VDAC1: variants seen among roughly 807,000 people sequenced by gnomAD.
VDAC1 encodes voltage dependent anion channel 1, also known as non-selective voltage-gated ion channel VDAC1.
In VDAC1, 10 loss-of-function variants were observed where a neutral mutation model predicts 34.7. The observed-to-expected ratio is 0.29, with a 90% CI of 0.18 to 0.49. The LOEUF is 0.49. Ranked by LOEUF, VDAC1 falls within the 20% of genes least tolerant of loss-of-function variation. VDAC1 has a pLI of 0.99. For synonymous variants in VDAC1, 130 were observed against 136.0 expected, an observed-to-expected ratio of 0.96 and a Z score of 0.30; for missense variants, 230 against 347.9, an observed-to-expected ratio of 0.66 and a Z score of 2.69.
At chr5:134,033,392 G>A in the VDAC1 span, among the ~76,000 whole-genome samples, 1 of 151,428 alleles carries the variant, frequency 6.6e-6, no homozygotes, top group Non-Finnish European at 1.5e-5. Context: ...TCCTAACCTC[G>A]TGATCCGCCC....
chr5:134,109,770 CAA>C, the VDAC1 span, among the ~76,000 whole-genome samples: 28 of 140,308 alleles, frequency 2.0e-4, no homozygotes, highest in South Asian at 1.4e-3. Context: ...GGCTCCATCT[CAA>C]AAAAAAAAAA....
At chr5:134,081,039 C>CTTT in the VDAC1 span, among the ~76,000 whole-genome samples, 1 of 140,820 alleles carries the variant, frequency 7.1e-6, no homozygotes, top group Non-Finnish European at 1.6e-5. Context: ...CTATGCCTAA[C>CTTT]TTTTTTTTTT....
rs534649167 is a variant in VDAC1 at position 134,000,859 on chromosome 5, G to A, written c.-7+4036C>T. On this transcript the variant is annotated intron_variant, in intron 1 of 8. Coordinates refer to ENST00000265333, the MANE Select transcript of VDAC1 (RefSeq NM_003374.3). Reference sequence around the variant, plus strand: ...TATTATAATAATGGCTGCTAAGCATGTTCAAAAGGTCACCCTGAACCACAG... The same window carrying A: ...TATTATAATAATGGCTGCTAAGCATATTCAAAAGGTCACCCTGAACCACAG... Among the ~76,000 whole-genome samples the A allele has an allele frequency of 2.4e-4, 37 of 152,260 alleles. No individual in the cohort carries two copies. In the South Asian group the frequency reaches 7.5e-3, roughly 31 times the overall value.
At chr5:134,036,658 T>A in the VDAC1 span, among the ~76,000 whole-genome samples, 58,037 of 124,318 alleles carry the variant, frequency 0.47, 12,907 homozygotes, top group African/African-American at 0.66. Flanking sequence ...ACTGTCTTTT[T>A]TAAAAAAAAA....
the VDAC1 span, among the ~76,000 whole-genome samples, chr5:134,031,549 G>A: frequency 1.7e-4 from 26 of 152,270 alleles, no homozygotes; most frequent in African/African-American, 5.3e-4. Flanking sequence ...ACTCTGGGCC[G>A]GGTACAGTGG....
At chr5:134,062,696 G>A in the VDAC1 span, among the ~76,000 whole-genome samples, 1 of 151,382 alleles carries the variant, frequency 6.6e-6, no homozygotes, top group Non-Finnish European at 1.5e-5. Flanking sequence ...GCGCAATCTC[G>A]GCTCACTGCA....
the VDAC1 span, among the ~76,000 whole-genome samples, chr5:134,024,521 C>G: frequency 6.8e-6 from 1 of 147,834 alleles, no homozygotes; most frequent in African/African-American, 2.5e-5. Context: ...AGAGTGAGAC[C>G]CTGTCTCAAA....
chr5:134,044,254 G>T, the VDAC1 span, among the ~76,000 whole-genome samples: 1 of 152,184 alleles, frequency 6.6e-6, no homozygotes, highest in African/African-American at 2.4e-5. Context: ...TTCCCTTGCT[G>T]GGGGCCAACT....
the VDAC1 span, among the ~76,000 whole-genome samples, chr5:134,097,036 G>A: frequency 6.6e-6 from 1 of 152,206 alleles, no homozygotes; most frequent in Non-Finnish European, 1.5e-5. Context: ...CCCTACCAGC[G>A]TCTCCAGTGT....
chr5:134,032,773 T>C, the VDAC1 span, among the ~76,000 whole-genome samples: 1 of 152,214 alleles, frequency 6.6e-6, no homozygotes. Context: ...GGATCACACC[T>C]GTAATCTCAA....
chr5:134,056,155 T>G, the VDAC1 span, among the ~76,000 whole-genome samples: 2 of 148,890 alleles, frequency 1.3e-5, no homozygotes, highest in African/African-American at 2.5e-5. Context: ...GCAGGTGAAT[T>G]GCTTGAACCG....
At chr5:134,003,840 C>G (rs1753651474) in intron 1 of VDAC1, among the ~76,000 whole-genome samples, 1 of 152,234 alleles carries the variant, frequency 6.6e-6, no homozygotes, top group Non-Finnish European at 1.5e-5. Context: ...GCTGTGTGAC[C>G]TTGTACAAAC....
chr5:134,101,135 C>G, the VDAC1 span, among the ~76,000 whole-genome samples: 83 of 152,364 alleles, frequency 5.4e-4, no homozygotes, highest in Middle Eastern at 3.4e-3. Flanking sequence ...TTGACGAAGG[C>G]CACCTTCAGC....
chr5:134,064,590 C>T, the VDAC1 span, among the ~76,000 whole-genome samples: 5 of 152,022 alleles, frequency 3.3e-5, no homozygotes, highest in Admixed American at 1.3e-4. Context: ...AAGTGTGAGC[C>T]GCTGGGCCTG....
the VDAC1 span, among the ~76,000 whole-genome samples, chr5:134,063,037 G>A: frequency 6.6e-6 from 1 of 152,186 alleles, no homozygotes; most frequent in Non-Finnish European, 1.5e-5. Context: ...ATGTTGGAAA[G>A]TTGTTGCTTT....
the VDAC1 span, among the ~76,000 whole-genome samples, chr5:134,020,762 C>T: frequency 8.6e-5 from 13 of 151,918 alleles, no homozygotes; most frequent in African/African-American, 1.9e-4. Context: ...CTGCAAGCTC[C>T]GCCTCCCGGG....
At chr5:133,974,301 C>A (rs993474905) in intron 7 of VDAC1, among the ~76,000 whole-genome samples, 1 of 152,192 alleles carries the variant, frequency 6.6e-6, no homozygotes. Context: ...GCCGCCAGTG[C>A]CCTGTGACAA....
chr5:134,102,579 A>T, the VDAC1 span, among the ~76,000 whole-genome samples: 2 of 152,216 alleles, frequency 1.3e-5, no homozygotes, highest in Admixed American at 1.3e-4. Context: ...GAGGCAGGAG[A>T]ATCGCTTGAA....
At chr5:134,066,563 A>C in the VDAC1 span, among the ~76,000 whole-genome samples, 197 of 152,360 alleles carry the variant, frequency 1.3e-3, no homozygotes, top group South Asian at 4.8e-3. Flanking sequence ...AAATCAAATT[A>C]AAAGTGGCTT....
Sources: allele counts gnomAD v4.1 joint callset (sites outside exome capture counted in the v4.1 genomes callset), GRCh38; gene constraint gnomAD v4.1.1; transcripts MANE v1.5; gene names NCBI Gene and HGNC (gene_info 2026-07-23, HGNC 2026-07-21).